Variants in NXN observed in about 807,000 individuals in gnomAD.
NXN encodes nucleoredoxin.
NXN carries 16 observed loss-of-function variants against 48.6 expected under a neutral mutation model. The ratio of observed to expected loss-of-function variants is 0.33; its 90% CI spans 0.22 to 0.50. The LOEUF is 0.50. Among genes scored for constraint, NXN ranks in the 20% least tolerant of loss-of-function variants. The probability of loss-of-function intolerance (pLI) is 0.98; values close to 1 mark genes in which losing one functional copy is unlikely to be tolerated. For missense variants in NXN, 492 were observed against 605.5 expected, an observed-to-expected ratio of 0.81 and a Z score of 1.97; for synonymous variants, 281 against 269.6, an observed-to-expected ratio of 1.04 and a Z score of -0.41.
At chr17:927,728 G>A (rs964093696) in intron 1 of NXN, among the ~76,000 whole-genome samples, 9 of 152,042 alleles carry the variant, frequency 5.9e-5, no homozygotes, top group Non-Finnish European at 1.0e-4. Context: ...CGTGGGAGAC[G>A]GCATAACCAG....
At chr17:938,949 C>T (rs959247684) in intron 1 of NXN, among the ~76,000 whole-genome samples, 5 of 150,430 alleles carry the variant, frequency 3.3e-5, no homozygotes, top group South Asian at 2.1e-4. Flanking sequence ...CTACACGGGA[C>T]GCTGAGGCAG....
At chr17:902,592 C>T (rs533794874) in intron 1 of NXN, among the ~76,000 whole-genome samples, 3 of 152,236 alleles carry the variant, frequency 2.0e-5, no homozygotes, top group African/African-American at 7.2e-5. Context: ...CTTTCTAGGA[C>T]TTACTTTCTT....
intron 1 of NXN, among the ~76,000 whole-genome samples, chr17:843,033 AAAG>A (rs1914449811): frequency 1.6e-4 from 23 of 143,766 alleles, no homozygotes; most frequent in African/African-American, 6.3e-4. Context: ...AGAAAGAAAG[AAAG>A]AAAGAAAGAA....
At chr17:845,176 G>C (rs1282321676) in intron 1 of NXN, among the ~76,000 whole-genome samples, 1 of 152,120 alleles carries the variant, frequency 6.6e-6, no homozygotes, top group Non-Finnish European at 1.5e-5. Context: ...ACTGAATTGA[G>C]AGTGAGAGAG....
intron 5 of NXN, among the ~76,000 whole-genome samples, chr17:812,151 T>C (rs1252526595): frequency 6.6e-6 from 1 of 151,014 alleles, no homozygotes; most frequent in Non-Finnish European, 1.5e-5. Flanking sequence ...ACGGTCTCGA[T>C]CTCCTGACCT....
intron 1 of NXN, among the ~76,000 whole-genome samples, chr17:879,670 C>T (rs761234733): frequency 2.0e-5 from 3 of 152,154 alleles, no homozygotes; most frequent in Non-Finnish European, 2.9e-5. Context: ...AAGCAGGAGG[C>T]GTCCAACACA....
At chr17:858,906 T>C (rs1192423804) in intron 1 of NXN, among the ~76,000 whole-genome samples, 1 of 152,160 alleles carries the variant, frequency 6.6e-6, no homozygotes, top group African/African-American at 2.4e-5. Flanking sequence ...CAGGCTTCTC[T>C]TTCTATCCCA....
At chr17:829,155 A>G (rs369878111) in intron 1 of NXN, among the ~76,000 whole-genome samples, 27 of 105,400 alleles carry the variant, frequency 2.6e-4, no homozygotes, top group African/African-American at 5.1e-4. Flanking sequence ...TTTTTTTTTT[A>G]GGGGGGCGGG....
At chr17:884,581 A>G (rs2144846378) in intron 1 of NXN, among the ~76,000 whole-genome samples, 1 of 152,308 alleles carries the variant, frequency 6.6e-6, no homozygotes, top group South Asian at 2.1e-4. Flanking sequence ...GGCCACAGGA[A>G]AAGGGCCGTT....
Position 841,652 on chromosome 17 carries a change from GCA to G in NXN, c.361-15576_361-15575del, listed in dbSNP as rs1567828163. ...CAAGCAGGTCCACCCTGACCACAGCGCATCTCACGCCGGCGAGCAGGTCCACC... is the reference window on the plus strand; with the variant it reads ...CAAGCAGGTCCACCCTGACCACAGCGTCTCACGCCGGCGAGCAGGTCCACC... On this transcript the variant is annotated intron_variant, in intron 1 of 7. Transcript: ENST00000336868. 1.6e-3 allele frequency among the ~76,000 whole-genome samples: 218 copies of G among 137,176 alleles called. 4 individuals are homozygous for G. The highest frequency in any genetic ancestry group is 3.6e-3 in the Middle Eastern group (1 of 276). 90.0% of individuals were successfully genotyped at this position (137,176 alleles called of 152,430 possible). A position where few individuals can be genotyped will look rare whatever the true frequency, so the allele number is the denominator to read the frequency against.
intron 5 of NXN, among the ~76,000 whole-genome samples, chr17:811,167 A>C (rs74251939): frequency 0.066 from 10,024 of 152,208 alleles, 460 homozygotes; most frequent in East Asian, 0.12. Context: ...AAAACAGAGA[A>C]GAGGATTCAA....
chr17:818,185 C>T (rs1020657771), intron 5 of NXN, among the ~76,000 whole-genome samples: 1 of 152,022 alleles, frequency 6.6e-6, no homozygotes, highest in South Asian at 2.1e-4. Flanking sequence ...GGCTTGAGCC[C>T]TGGAGGCAGA....
intron 3 of NXN, among the ~76,000 whole-genome samples, chr17:822,769 T>C (rs1912886775): frequency 6.6e-6 from 1 of 152,160 alleles, no homozygotes; most frequent in Non-Finnish European, 1.5e-5. Context: ...CTATGCAGTG[T>C]GTGAGCAGGT....
At chr17:972,086 A>C (rs2069388568) in intron 1 of NXN, among the ~76,000 whole-genome samples, 1 of 152,188 alleles carries the variant, frequency 6.6e-6, no homozygotes, top group African/African-American at 2.4e-5. Context: ...GGACCACCTA[A>C]GGTTGGGAGT....
At chr17:840,562 A>G (rs1361452169) in intron 1 of NXN, among the ~76,000 whole-genome samples, 1 of 152,058 alleles carries the variant, frequency 6.6e-6, no homozygotes, top group Non-Finnish European at 1.5e-5. Flanking sequence ...GATGGTCTTG[A>G]TCTCCTGACC....
At chr17:822,857 T>C (rs982337199) in intron 3 of NXN, among the ~76,000 whole-genome samples, 4 of 152,186 alleles carry the variant, frequency 2.6e-5, no homozygotes, top group African/African-American at 9.7e-5. Flanking sequence ...CCCAGCACTT[T>C]GGGAGGCCAA....
intron 1 of NXN, among the ~76,000 whole-genome samples, chr17:965,389 G>C (rs752601700): frequency 3.3e-5 from 5 of 152,188 alleles, no homozygotes; most frequent in Non-Finnish European, 7.3e-5. Context: ...GAAAAGAAGG[G>C]ATCTGTTAGA....
intron 1 of NXN, chr17:864,247 G>A: frequency 8.4e-7 from 1 of 1,185,908 alleles, no homozygotes; most frequent in Non-Finnish European, 1.2e-6. Flanking sequence ...TTTTCTGTAG[G>A]TCTGAAATTT....
intron 1 of NXN, among the ~76,000 whole-genome samples, chr17:900,777 T>C (rs1255015697): frequency 6.6e-6 from 1 of 152,134 alleles, no homozygotes; most frequent in African/African-American, 2.4e-5. Flanking sequence ...TGGAAAGTTT[T>C]CTAATATTTA....
Sources: allele counts gnomAD v4.1 joint callset (sites outside exome capture counted in the v4.1 genomes callset), GRCh38; gene constraint gnomAD v4.1.1; transcripts MANE v1.5; gene names NCBI Gene and HGNC (gene_info 2026-07-23, HGNC 2026-07-21).